The following BRINP3 variants were observed in gnomAD, a reference collection of about 807,000 sequenced individuals.
BRINP3 encodes BMP/retinoic acid-inducible neural-specific protein 3.
A neutral mutation model predicts 71.0 loss-of-function variants in BRINP3; 19 were observed. The ratio of observed to expected loss-of-function variants is 0.27; its 90% confidence interval spans 0.19 to 0.39. The LOEUF is 0.39. Ranked by LOEUF, BRINP3 falls within the 10% of genes least tolerant of loss-of-function variation. The probability of loss-of-function intolerance (pLI) is 1.00; values close to 1 mark genes in which losing one functional copy is unlikely to be tolerated. For synonymous variants in BRINP3, 380 were observed against 337.7 expected (o/e 1.13, Z -1.37); for missense variants, 959 against 940.8 (o/e 1.02, Z -0.25).
chr1:190,262,330 T>C (rs968942486), intron 4 of BRINP3, among the ~76,000 whole-genome samples: 1 of 152,092 alleles, frequency 6.6e-6, no homozygotes, highest in African/African-American at 2.4e-5. Context: ...AATTAAACCC[T>C]GAAAGGTGTA....
chr1:190,147,844 G>A (rs1656024399), intron 7 of BRINP3, among the ~76,000 whole-genome samples: 1 of 152,236 alleles, frequency 6.6e-6, no homozygotes, highest in East Asian at 1.9e-4. Flanking sequence ...CCAATCTGTG[G>A]TCCAGAAAGA....
intron 6 of BRINP3, among the ~76,000 whole-genome samples, chr1:190,192,806 G>T (rs2102580182): frequency 6.6e-6 from 1 of 152,208 alleles, no homozygotes; most frequent in African/African-American, 2.4e-5. Flanking sequence ...AATAAAACTG[G>T]TTGGGCTTTG....
chr1:190,167,792 C>T, intron 6 of BRINP3, among the ~76,000 whole-genome samples: 1 of 152,036 alleles, frequency 6.6e-6, no homozygotes, highest in South Asian at 2.1e-4. Context: ...ATTCTTATGC[C>T]CATTATGCCC....
At chr1:190,123,668 G>A (rs2102327104) in intron 7 of BRINP3, among the ~76,000 whole-genome samples, 1 of 152,144 alleles carries the variant, frequency 6.6e-6, no homozygotes, top group Non-Finnish European at 1.5e-5. Flanking sequence ...TTAGAATATT[G>A]ATTGTTTTCT....
chr1:190,199,902 T>C (rs932329130), intron 6 of BRINP3, among the ~76,000 whole-genome samples: 3 of 151,606 alleles, frequency 2.0e-5, no homozygotes, highest in Admixed American at 2.0e-4. Flanking sequence ...AAATATAAAA[T>C]ATTCACCTTG....
intron 2 of BRINP3, among the ~76,000 whole-genome samples, chr1:190,426,162 C>CA (rs1558276017): frequency 6.6e-6 from 1 of 151,636 alleles, no homozygotes; most frequent in African/African-American, 2.4e-5. Context: ...TATCCAAAGG[C>CA]AGAGTATAAT....
At chr1:190,241,049 C>T (rs913512946) in intron 4 of BRINP3, among the ~76,000 whole-genome samples, 2 of 151,750 alleles carry the variant, frequency 1.3e-5, no homozygotes, top group Admixed American at 1.3e-4. Flanking sequence ...TATAAACTCT[C>T]TATGCATAAT....
At chr1:190,474,546 G>A (rs1008506002) in intron 1 of BRINP3, 4 of 152,620 alleles carry the variant, frequency 2.6e-5, no homozygotes, top group African/African-American at 9.7e-5. Flanking sequence ...CATTTGACTA[G>A]ATAGAATATT....
chr1:190,432,299 T>C (rs527660923), intron 2 of BRINP3, among the ~76,000 whole-genome samples: 1 of 152,304 alleles, frequency 6.6e-6, no homozygotes, highest in Admixed American at 6.5e-5. Flanking sequence ...ATGCAATTTC[T>C]GGTTGCCATT....
chr1:190,132,467 T>C (rs1654622198), intron 7 of BRINP3, among the ~76,000 whole-genome samples: 1 of 152,112 alleles, frequency 6.6e-6, no homozygotes, highest in South Asian at 2.1e-4. Context: ...TCAAATTGCA[T>C]TTTAAGCTGT....
intron 5 of BRINP3, among the ~76,000 whole-genome samples, chr1:190,232,316 A>T (rs1241906153): frequency 6.6e-6 from 1 of 152,072 alleles, no homozygotes; most frequent in African/African-American, 2.4e-5. Context: ...ACATTGATCC[A>T]GAATTAACAA....
At chr1:190,467,317 G>T (rs1676824724) in intron 1 of BRINP3, among the ~76,000 whole-genome samples, 1 of 151,382 alleles carries the variant, frequency 6.6e-6, no homozygotes, top group Admixed American at 6.6e-5. Context: ...TATTCCCAGG[G>T]TTTACACCAG....
intron 7 of BRINP3, among the ~76,000 whole-genome samples, chr1:190,100,311 C>T (rs2102240096): frequency 6.6e-6 from 1 of 152,244 alleles, no homozygotes; most frequent in African/African-American, 2.4e-5. Flanking sequence ...TAAATATCTA[C>T]TTACTGTTTT....
rs1571849716 is a variant in BRINP3, at chr1:190,151,298, T to C, written c.1184+9370A>G. 2.6e-5 allele frequency among the ~76,000 whole-genome samples: 4 copies of C among 152,314 alleles called. No individual in the cohort carries two copies. In the South Asian group the frequency reaches 8.3e-4, roughly 32 times the overall value. On this transcript the variant is annotated intron_variant, in intron 7 of 7. Coordinates refer to ENST00000367462, the MANE Select transcript of BRINP3 (RefSeq NM_199051.3). ...GAGATTCAGCCCTAACTTAATTATATTTAAAAAGCAAAAGTACAACCATTC... is the reference window on the plus strand; with the variant it reads ...GAGATTCAGCCCTAACTTAATTATACTTAAAAAGCAAAAGTACAACCATTC...
At chr1:190,219,599 G>C (rs1410468422) in intron 6 of BRINP3, among the ~76,000 whole-genome samples, 38 of 151,946 alleles carry the variant, frequency 2.5e-4, no homozygotes, top group Admixed American at 2.5e-3. Context: ...CAGCACTTTG[G>C]GAGGCCGAGG....
intron 2 of BRINP3, among the ~76,000 whole-genome samples, chr1:190,282,817 A>G (rs1013002754): frequency 1.2e-4 from 18 of 152,180 alleles, no homozygotes; most frequent in African/African-American, 4.3e-4. Context: ...TCTGATATGT[A>G]CTGAGAGATA....
intron 3 of BRINP3, among the ~76,000 whole-genome samples, chr1:190,276,356 C>T (rs1369972328): frequency 2.0e-5 from 3 of 151,428 alleles, no homozygotes; most frequent in Non-Finnish European, 4.4e-5. Context: ...TGGCATATGA[C>T]AAATAATTAA....
At chr1:190,423,269 T>A (rs999189870) in intron 2 of BRINP3, among the ~76,000 whole-genome samples, 4 of 151,754 alleles carry the variant, frequency 2.6e-5, no homozygotes, top group African/African-American at 4.8e-5. Flanking sequence ...TCTTACTTTA[T>A]GACAGCTGAA....
intron 1 of BRINP3, among the ~76,000 whole-genome samples, chr1:190,469,857 A>T (rs1284732010): frequency 6.6e-6 from 1 of 151,154 alleles, no homozygotes. Context: ...CTTCATGCAG[A>T]TATGTGCTTT....
Sources: allele counts gnomAD v4.1 joint callset (sites outside exome capture counted in the v4.1 genomes callset), GRCh38; gene constraint gnomAD v4.1.1; transcripts MANE v1.5; gene names NCBI Gene and HGNC (gene_info 2026-07-23, HGNC 2026-07-21).